Variants in GPM6A observed in about 807,000 individuals in gnomAD.
GPM6A encodes the protein neuronal membrane glycoprotein M6-a.
GPM6A carries 7 observed loss-of-function variants against 32.1 expected under a neutral mutation model. The observed-to-expected ratio is 0.22, with a 90% CI of 0.12 to 0.41. The LOEUF (loss-of-function observed/expected upper bound fraction) is 0.41, where lower values mean the gene tolerates loss of function less well. GPM6A is among the 10% of genes least tolerant of loss of function. The probability of loss-of-function intolerance (pLI) is 1.00; values close to 1 mark genes in which losing one functional copy is unlikely to be tolerated. For missense variants in GPM6A, 235 were observed against 347.2 expected (o/e 0.68, Z 2.57); for synonymous variants, 130 against 123.4 (o/e 1.05, Z -0.35).
intron 2 of GPM6A, among the ~76,000 whole-genome samples, chr4:175,680,203 T>C (rs1045098142): frequency 6.6e-6 from 1 of 152,146 alleles, no homozygotes; most frequent in African/African-American, 2.4e-5. Flanking sequence ...AATATACACA[T>C]ATTTTAGAAA....
chr4:175,941,396 T>TA (rs961210924), intron 1 of GPM6A, among the ~76,000 whole-genome samples: 2 of 152,254 alleles, frequency 1.3e-5, no homozygotes, highest in East Asian at 3.9e-4. Context: ...TTTTCTTTTT[T>TA]AAAAAAATTA....
At chr4:175,976,794 C>A (rs1360374788) in intron 1 of GPM6A, among the ~76,000 whole-genome samples, 2 of 152,104 alleles carry the variant, frequency 1.3e-5, no homozygotes, top group Non-Finnish European at 2.9e-5. Context: ...GGTAGAACCA[C>A]CCACACAGAG....
chr4:175,848,079 C>T (rs1305152608), intron 1 of GPM6A, among the ~76,000 whole-genome samples: 5 of 152,174 alleles, frequency 3.3e-5, no homozygotes, highest in Admixed American at 2.0e-4. Context: ...ACCCTTAGCC[C>T]CTAGCTCTTT....
At chr4:175,932,391 G>A (rs1178902957) in intron 1 of GPM6A, among the ~76,000 whole-genome samples, 1 of 152,162 alleles carries the variant, frequency 6.6e-6, no homozygotes, top group Non-Finnish European at 1.5e-5. Flanking sequence ...GAGCATCAAG[G>A]CGCCATCTTG....
At chr4:175,975,123 T>C (rs562407959) in intron 1 of GPM6A, among the ~76,000 whole-genome samples, 1 of 152,338 alleles carries the variant, frequency 6.6e-6, no homozygotes, top group African/African-American at 2.4e-5. Context: ...GTGCCATACA[T>C]GATTAGGGGA....
At chr4:175,936,748 A>T (rs1268078301) in intron 1 of GPM6A, among the ~76,000 whole-genome samples, 1 of 152,188 alleles carries the variant, frequency 6.6e-6, no homozygotes, top group Non-Finnish European at 1.5e-5. Context: ...AATACCATAA[A>T]GCTAAAAGAT....
At chr4:175,870,919 C>G (rs1940002295) in intron 1 of GPM6A, among the ~76,000 whole-genome samples, 1 of 152,050 alleles carries the variant, frequency 6.6e-6, no homozygotes, top group Admixed American at 6.6e-5. Flanking sequence ...ACCCATCACA[C>G]AAAACATTTA....
chr4:175,780,702 C>T lies in GPM6A; in HGVS notation c.37+31489G>A, dbSNP rs145706862. Among the ~76,000 whole-genome samples, 16 of 152,220 alleles carry T rather than the reference C, an allele frequency of 1.1e-4. No individual in the cohort carries two copies. The East Asian group carries it at 2.3e-3, about 22-fold the overall frequency. On this transcript the variant is annotated intron_variant, in intron 1 of 6. Transcript: ENST00000393658. The stretch of plus-strand genomic sequence containing the variant: ...TTTGAATTTCCACTACACAAATTAG[C>T]CAGTGTTTTCTGAATAATACCTAAA...
At chr4:175,863,002 CCT>C (rs1047260966) in intron 1 of GPM6A, among the ~76,000 whole-genome samples, 4 of 151,810 alleles carry the variant, frequency 2.6e-5, no homozygotes, top group East Asian at 3.9e-4. Context: ...CACCTCATCT[CCT>C]CTCTCTCTCT....
chr4:175,769,839 AAAGTT>A (rs1361691079), intron 1 of GPM6A, among the ~76,000 whole-genome samples: 5 of 152,230 alleles, frequency 3.3e-5, no homozygotes, highest in Non-Finnish European at 5.9e-5. Context: ...AACATGGAAT[AAAGTT>A]AAGACTAATC....
chr4:175,637,700 A>T (rs185289180), intron 6 of GPM6A, among the ~76,000 whole-genome samples: 6,908 of 63,650 alleles, frequency 0.11, 351 homozygotes, highest in East Asian at 0.27. Flanking sequence ...ATAATATATT[A>T]TATATTATAT....
At chr4:175,703,251 A>C (rs1579403887) in intron 1 of GPM6A, among the ~76,000 whole-genome samples, 1 of 152,020 alleles carries the variant, frequency 6.6e-6, no homozygotes, top group Non-Finnish European at 1.5e-5. Context: ...GGCTCACTGC[A>C]ACCTCTGCCT....
chr4:175,993,936 C>T (rs1010852572), intron 1 of GPM6A, among the ~76,000 whole-genome samples: 2 of 152,148 alleles, frequency 1.3e-5, no homozygotes, highest in East Asian at 1.9e-4. Context: ...TTCCTAGCAA[C>T]GTGTACAAAT....
At chr4:175,792,480 A>G (rs921142794) in intron 1 of GPM6A, among the ~76,000 whole-genome samples, 7 of 152,178 alleles carry the variant, frequency 4.6e-5, no homozygotes, top group Admixed American at 2.0e-4. Flanking sequence ...CTGGTAATAC[A>G]TTTATTTTTA....
At chr4:175,962,311 T>TG in intron 1 of GPM6A, 1 of 1,074,366 alleles carries the variant, frequency 9.3e-7, no homozygotes, top group Non-Finnish European at 1.4e-6. Flanking sequence ...GTGAGTTTAC[T>TG]GGGTCCTGTG....
intron 3 of GPM6A, among the ~76,000 whole-genome samples, chr4:175,666,683 T>C (rs1037183271): frequency 3.3e-5 from 5 of 152,208 alleles, no homozygotes; most frequent in Non-Finnish European, 5.9e-5. Flanking sequence ...TCTGGCATAC[T>C]GGAAGGGTAG....
intron 3 of GPM6A, among the ~76,000 whole-genome samples, chr4:175,669,673 T>C (rs1326247847): frequency 6.6e-6 from 1 of 152,216 alleles, no homozygotes; most frequent in African/African-American, 2.4e-5. Context: ...ATTACTGTTA[T>C]CATAAGACTG....
chr4:175,917,531 A>T (rs1738531537), intron 1 of GPM6A, among the ~76,000 whole-genome samples: 1 of 152,218 alleles, frequency 6.6e-6, no homozygotes, highest in Non-Finnish European at 1.5e-5. Context: ...AGGCAGAAAC[A>T]GGCTGACTGG....
intron 1 of GPM6A, among the ~76,000 whole-genome samples, chr4:175,719,053 T>C (rs1185506723): frequency 6.6e-6 from 1 of 152,178 alleles, no homozygotes; most frequent in Admixed American, 6.5e-5. Context: ...ACCATCTTAC[T>C]AAAAACATAA....
Sources: allele counts gnomAD v4.1 joint callset (sites outside exome capture counted in the v4.1 genomes callset), GRCh38; gene constraint gnomAD v4.1.1; transcripts MANE v1.5; gene names NCBI Gene and HGNC (gene_info 2026-07-23, HGNC 2026-07-21).